LRRTM4: variants seen among roughly 807,000 people sequenced by gnomAD.
LRRTM4 encodes the protein leucine-rich repeat transmembrane neuronal protein 4.
A neutral mutation model predicts 47.6 loss-of-function variants in LRRTM4; 25 were observed. That is an observed-to-expected ratio of 0.53 (90% CI 0.38 to 0.73). The LOEUF (loss-of-function observed/expected upper bound fraction) is 0.73. Ranked by LOEUF, LRRTM4 falls within the 30% of genes least tolerant of loss-of-function variation. The pLI is 0.00. For missense variants in LRRTM4, 638 were observed against 713.4 expected (o/e 0.89, Z 1.20); for synonymous variants, 311 against 269.5 (o/e 1.15, Z -1.51).
At chr2:77,066,604 T>C (rs991400857) in intron 3 of LRRTM4, among the ~76,000 whole-genome samples, 9 of 152,040 alleles carry the variant, frequency 5.9e-5, no homozygotes, top group African/African-American at 2.2e-4. Context: ...AATGCCAACA[T>C]GAAGAAAAAA....
intron 3 of LRRTM4, among the ~76,000 whole-genome samples, chr2:77,002,436 A>T (rs1677467304): frequency 6.6e-6 from 1 of 152,164 alleles, no homozygotes; most frequent in South Asian, 2.1e-4. Context: ...ATTTTCAAAT[A>T]AATAGTATAT....
At chr2:76,786,360 A>T (rs561622507) in intron 3 of LRRTM4, among the ~76,000 whole-genome samples, 1 of 152,266 alleles carries the variant, frequency 6.6e-6, no homozygotes, top group East Asian at 1.9e-4. Context: ...AAAAACCCAC[A>T]AATGATGAAT....
At chr2:77,048,898 C>T (rs1335134772) in intron 3 of LRRTM4, among the ~76,000 whole-genome samples, 2 of 151,366 alleles carry the variant, frequency 1.3e-5, no homozygotes, top group Admixed American at 6.6e-5. Flanking sequence ...TATCCTTTAA[C>T]CAACCTCTGG....
chr2:77,164,388 T>A (rs1053239428), intron 3 of LRRTM4, among the ~76,000 whole-genome samples: 1 of 152,082 alleles, frequency 6.6e-6, no homozygotes, highest in Non-Finnish European at 1.5e-5. Flanking sequence ...ACTGTCAACA[T>A]TAGACAGATC....
chr2:76,951,978 A>G (rs1475214815), intron 3 of LRRTM4, among the ~76,000 whole-genome samples: 1 of 151,894 alleles, frequency 6.6e-6, no homozygotes, highest in African/African-American at 2.4e-5. Context: ...TTATGACTTC[A>G]TAGTATTCCG....
At chr2:77,355,511 T>A (rs1671935453) in intron 3 of LRRTM4, among the ~76,000 whole-genome samples, 2 of 152,152 alleles carry the variant, frequency 1.3e-5, no homozygotes, top group African/African-American at 4.8e-5. Flanking sequence ...GGCAACAAAT[T>A]GCTACAATAA....
chr2:76,914,557 G>T (rs997553917), intron 3 of LRRTM4, among the ~76,000 whole-genome samples: 1 of 152,050 alleles, frequency 6.6e-6, no homozygotes, highest in Non-Finnish European at 1.5e-5. Flanking sequence ...TTATTAAAGA[G>T]ATTGTCATAT....
intron 3 of LRRTM4, among the ~76,000 whole-genome samples, chr2:77,450,705 A>G (rs1676222785): frequency 6.6e-6 from 1 of 152,084 alleles, no homozygotes; most frequent in Non-Finnish European, 1.5e-5. Flanking sequence ...CTTGCTTTCT[A>G]CATCTCCCCA....
At chr2:76,989,626 A>C (rs1410119192) in intron 3 of LRRTM4, among the ~76,000 whole-genome samples, 1 of 151,780 alleles carries the variant, frequency 6.6e-6, no homozygotes, top group Middle Eastern at 3.2e-3. Context: ...AAGGTTGCTT[A>C]ATCTCCCTAA....
At chr2:76,783,829 T>C (rs1346792310) in intron 3 of LRRTM4, among the ~76,000 whole-genome samples, 1 of 152,094 alleles carries the variant, frequency 6.6e-6, no homozygotes, top group African/African-American at 2.4e-5. Flanking sequence ...CCGTATATTT[T>C]AATTGCAATG....
intron 3 of LRRTM4, among the ~76,000 whole-genome samples, chr2:77,104,106 C>G (rs1244575796): frequency 6.6e-6 from 1 of 152,112 alleles, no homozygotes; most frequent in South Asian, 2.1e-4. Context: ...TTAGTTCACA[C>G]CACCTTCCTT....
At chr2:77,429,182 T>G (rs1675250393) in intron 3 of LRRTM4, among the ~76,000 whole-genome samples, 1 of 152,018 alleles carries the variant, frequency 6.6e-6, no homozygotes, top group Non-Finnish European at 1.5e-5. Flanking sequence ...GCAATTGAGC[T>G]CCAATGTGGG....
chr2:77,373,399 C>A (rs1457348156), intron 3 of LRRTM4, among the ~76,000 whole-genome samples: 6 of 151,534 alleles, frequency 4.0e-5, no homozygotes, highest in Admixed American at 3.3e-4. Flanking sequence ...TGCCGTTTGC[C>A]TCCAGACTCA....
Position 77,516,348 on chromosome 2 carries a change from G to T in LRRTM4, c.1551+1970C>A, listed in dbSNP as rs185222580. 2.6e-5 allele frequency among the ~76,000 whole-genome samples: 4 copies of T among 151,786 alleles called. No individual in the cohort carries two copies. The East Asian group carries it at 5.8e-4, about 22-fold the overall frequency. ...TGTTTCTGTCATGGTAATGCCTAGG[G>T]TTTTTGATGGAATAATCTGTGAAAT... On this transcript the variant is annotated intron_variant, in intron 3 of 3. Coordinates refer to ENST00000409884, the MANE Select transcript of LRRTM4 (RefSeq NM_001134745.3).
intron 3 of LRRTM4, among the ~76,000 whole-genome samples, chr2:77,067,073 T>C (rs953460764): frequency 1.3e-5 from 2 of 152,202 alleles, no homozygotes; most frequent in Non-Finnish European, 2.9e-5. Context: ...CATTCCCAGT[T>C]AATAGAACTG....
intron 3 of LRRTM4, among the ~76,000 whole-genome samples, chr2:77,072,647 A>C (rs1680192724): frequency 6.6e-6 from 1 of 151,894 alleles, no homozygotes; most frequent in African/African-American, 2.4e-5. Flanking sequence ...GGTATACAGA[A>C]AATTAGCCAG....
intron 3 of LRRTM4, among the ~76,000 whole-genome samples, chr2:77,417,097 T>A (rs1266675094): frequency 6.6e-6 from 1 of 151,548 alleles, no homozygotes; most frequent in East Asian, 1.9e-4. Context: ...ATGAACACAC[T>A]TCTCAAAAGA....
At chr2:77,259,517 C>A (rs1408483754) in intron 3 of LRRTM4, among the ~76,000 whole-genome samples, 1 of 152,038 alleles carries the variant, frequency 6.6e-6, no homozygotes, top group Non-Finnish European at 1.5e-5. Flanking sequence ...TCAAGACATA[C>A]TCACTTTCGT....
intron 3 of LRRTM4, among the ~76,000 whole-genome samples, chr2:77,285,340 T>TTATATATTTATATATATATATA (rs1553422163): frequency 1.2e-5 from 1 of 82,590 alleles, no homozygotes; most frequent in Non-Finnish European, 2.4e-5. Context: ...AGCATTAAAT[T>TTATATATTTATATATATATATA]TATATATATA....
Sources: gnomAD v4.1 joint callset for allele counts (sites outside exome capture counted in the v4.1 genomes callset) on GRCh38, gnomAD v4.1.1 for gene constraint, MANE v1.5 for transcripts, NCBI Gene and HGNC (gene_info 2026-07-23, HGNC 2026-07-21) for gene names.